Variants in TTC7B observed in about 807,000 individuals in gnomAD.
The protein encoded by TTC7B is tetratricopeptide repeat domain 7B, also known as tetratricopeptide repeat protein 7B.
In TTC7B, 28 loss-of-function variants were observed where a neutral mutation model predicts 106.8. The observed-to-expected ratio is 0.26, with a 90% CI of 0.19 to 0.36. The LOEUF (loss-of-function observed/expected upper bound fraction) is 0.36, where lower values mean the gene tolerates loss of function less well. Among genes scored for constraint, TTC7B ranks in the 10% least tolerant of loss-of-function variants. TTC7B has a pLI of 1.00. For synonymous variants in TTC7B, 405 were observed against 430.6 expected (o/e 0.94, Z 0.74); for missense variants, 862 against 1,076.4 (o/e 0.80, Z 2.79).
intron 18 of TTC7B, among the ~76,000 whole-genome samples, chr14:90,585,187 C>T (rs974743908): frequency 5.9e-5 from 9 of 152,196 alleles, no homozygotes; most frequent in Non-Finnish European, 1.2e-4. Context: ...TTGCCAGGGT[C>T]GGGCTGTGCA....
intron 7 of TTC7B, among the ~76,000 whole-genome samples, chr14:90,687,545 G>T (rs918999801): frequency 7.0e-4 from 106 of 152,292 alleles, no homozygotes; most frequent in African/African-American, 2.3e-3. Flanking sequence ...GGTCCTTAAT[G>T]CACCTGGCAC....
At chr14:90,778,432 C>T (rs1891104612) in intron 3 of TTC7B, among the ~76,000 whole-genome samples, 2 of 152,356 alleles carry the variant, frequency 1.3e-5, no homozygotes, top group Non-Finnish European at 2.9e-5. Context: ...CAGAACCAAT[C>T]CTAGGACGTG....
chr14:90,628,053 C>T (rs1222132095), intron 15 of TTC7B, among the ~76,000 whole-genome samples: 1 of 152,210 alleles, frequency 6.6e-6, no homozygotes, highest in African/African-American at 2.4e-5. Flanking sequence ...GGGCTATTCC[C>T]GAAGGCTACC....
chr14:90,611,525 C>A (rs965322223), intron 16 of TTC7B, among the ~76,000 whole-genome samples: 1 of 152,074 alleles, frequency 6.6e-6, no homozygotes, highest in Non-Finnish European at 1.5e-5. Flanking sequence ...TGCTGGTGTA[C>A]GAGCCCTGTC....
At chr14:90,694,998 TGCC>T (rs1467891179) in intron 6 of TTC7B, among the ~76,000 whole-genome samples, 4,510 of 121,614 alleles carry the variant, frequency 0.037, 1,184 homozygotes, top group East Asian at 0.079. Context: ...ATAACACATA[TGCC>T]ACATATATTT....
rs1003221598 is a variant in TTC7B at position 90,524,822 on chromosome 14, C to T, written c.*16546G>A. ...CAGGTGGTGCAAGGCACACGGGGAT[C>T]CCCCACATTGCAGGTGGGGAGACTG... is the stretch of plus-strand genomic sequence containing the variant. On this transcript the variant is annotated 3_prime_UTR_variant, in exon 20 of 20. Coordinates refer to ENST00000328459, the MANE Select transcript of TTC7B (RefSeq NM_001010854.2). 6.6e-6 allele frequency: 1 copy of T among 152,014 alleles called. No homozygotes were observed. The highest frequency in any genetic ancestry group is 1.5e-5 in the Non-Finnish European group (1 of 67,992). The allele number at this position is 152,014 out of a possible 1,614,324, so 9.4% of individuals were successfully genotyped here. A position where few individuals can be genotyped will look rare whatever the true frequency, so the allele number is the denominator to read the frequency against.
chr14:90,795,985 G>A (rs1475290525), intron 1 of TTC7B, among the ~76,000 whole-genome samples: 2 of 152,196 alleles, frequency 1.3e-5, no homozygotes, highest in Admixed American at 1.3e-4. Flanking sequence ...AGGCAGGAGA[G>A]GGGAGCAGCA....
chr14:90,731,768 G>A (rs1284437873), intron 4 of TTC7B, among the ~76,000 whole-genome samples: 4 of 152,136 alleles, frequency 2.6e-5, no homozygotes, highest in Admixed American at 2.0e-4. Flanking sequence ...TGAGATGACC[G>A]CATCCATCCC....
At chr14:90,779,079 G>A (rs1156589967) in intron 3 of TTC7B, among the ~76,000 whole-genome samples, 1 of 152,180 alleles carries the variant, frequency 6.6e-6, no homozygotes. Context: ...GTCTCTGCCA[G>A]CCACAGTCAG....
intron 15 of TTC7B, among the ~76,000 whole-genome samples, chr14:90,622,956 G>A (rs1360727763): frequency 1.3e-5 from 2 of 152,084 alleles, no homozygotes; most frequent in South Asian, 2.1e-4. Flanking sequence ...CACTCGAGCC[G>A]TGGTCAGCTT....
intron 5 of TTC7B, among the ~76,000 whole-genome samples, chr14:90,703,757 T>G (rs1383043069): frequency 6.6e-6 from 1 of 152,178 alleles, no homozygotes; most frequent in Non-Finnish European, 1.5e-5. Context: ...GGGAGGCTCT[T>G]TGCCATTAAA....
At position 90,725,040 on chromosome 14, in the gene TTC7B, T is replaced by C. The variant is rs547455242; in HGVS notation, c.698+5035A>G. Among the ~76,000 whole-genome samples, 37 of 152,352 alleles carry C rather than the reference T, an allele frequency of 2.4e-4. 1 individual carries two copies. The South Asian group carries it at 7.4e-3, about 31-fold the overall frequency. Reference sequence around the variant, plus strand: ...GGCCCATTTCCTTTTCATCTCCGTATCTCTTGAAGAGGGTTGCATACAAAA... The same window carrying C: ...GGCCCATTTCCTTTTCATCTCCGTACCTCTTGAAGAGGGTTGCATACAAAA... On this transcript the variant is annotated intron_variant, in intron 5 of 19. Transcript: ENST00000328459.
intron 2 of TTC7B, among the ~76,000 whole-genome samples, chr14:90,785,752 T>C (rs773513474): frequency 8.5e-5 from 13 of 152,068 alleles, no homozygotes; most frequent in Non-Finnish European, 1.6e-4. Context: ...CTGGCACCAG[T>C]ATGGAACCTC....
chr14:90,554,929 C>T (rs1890239390), intron 19 of TTC7B, among the ~76,000 whole-genome samples: 1 of 152,170 alleles, frequency 6.6e-6, no homozygotes, highest in Admixed American at 6.5e-5. Flanking sequence ...TTAGTGATCA[C>T]ATCTGAATGA....
At chr14:90,625,403 G>T (rs1487468657) in intron 15 of TTC7B, among the ~76,000 whole-genome samples, 2 of 152,144 alleles carry the variant, frequency 1.3e-5, no homozygotes, top group Non-Finnish European at 2.9e-5. Context: ...GAAACTGATC[G>T]CAATTCATTT....
chr14:90,732,515 C>T (rs1889365268), intron 4 of TTC7B, among the ~76,000 whole-genome samples: 1 of 152,172 alleles, frequency 6.6e-6, no homozygotes, highest in African/African-American at 2.4e-5. Context: ...GTAGCTGGGA[C>T]TACAGGTGTG....
chr14:90,688,798 C>A (rs943558383), intron 7 of TTC7B, among the ~76,000 whole-genome samples: 2 of 151,242 alleles, frequency 1.3e-5, no homozygotes, highest in Non-Finnish European at 2.9e-5. Context: ...GACTCTATCT[C>A]AAAAAAATAA....
chr14:90,793,044 A>T (rs1338846826), intron 1 of TTC7B, among the ~76,000 whole-genome samples: 1 of 152,106 alleles, frequency 6.6e-6, no homozygotes, highest in Non-Finnish European at 1.5e-5. Flanking sequence ...CAGTTCCCCC[A>T]TGCTGTTCTC....
chr14:90,684,295 G>A (rs919756948), intron 7 of TTC7B, among the ~76,000 whole-genome samples: 3 of 151,852 alleles, frequency 2.0e-5, no homozygotes, highest in Admixed American at 6.6e-5. Flanking sequence ...TTTAATTGTC[G>A]AAGCTACCTC....
Sources: gnomAD v4.1 joint callset for allele counts (sites outside exome capture counted in the v4.1 genomes callset) on GRCh38, gnomAD v4.1.1 for gene constraint, MANE v1.5 for transcripts, NCBI Gene and HGNC (gene_info 2026-07-23, HGNC 2026-07-21) for gene names.